The following CCDC102B variants were observed in gnomAD, a reference collection of about 807,000 sequenced individuals.
The protein encoded by CCDC102B is coiled-coil domain-containing protein 102B.
A neutral mutation model predicts 57.4 loss-of-function variants in CCDC102B; 75 were observed. The ratio of observed to expected loss-of-function variants is 1.31; its 90% confidence interval spans 1.08 to 1.58. CCDC102B has a LOEUF of 1.58. Among genes scored for constraint, CCDC102B ranks in the 40% most tolerant of loss-of-function variants. The pLI is 0.00. For missense variants in CCDC102B, 636 were observed against 582.6 expected (o/e 1.09, Z -0.94); for synonymous variants, 206 against 201.9 (o/e 1.02, Z -0.17).
In CCDC102B at chr18:68,956,475, TA is replaced by T. The variant is rs2049882570; in HGVS notation, c.1264-54458del. Among the ~76,000 whole-genome samples, 2 of 22,106 alleles carry T rather than the reference TA, an allele frequency of 9.0e-5. 1 individual carries two copies. The highest frequency in any genetic ancestry group is 4.4e-4 in the African/African-American group (2 of 4,504). The allele number at this position is 22,106 out of a possible 152,430, so 14.5% of individuals were successfully genotyped here. On this transcript the variant is annotated intron_variant, in intron 6 of 7. Coordinates refer to ENST00000360242, the MANE Select transcript of CCDC102B (RefSeq NM_024781.3). ...TATTATATATTTTATATATATATTA[TA>T]TATATATAATATATATATAAAATAT...
At chr18:68,733,651 T>G (rs1293774890) in intron 2 of CCDC102B, among the ~76,000 whole-genome samples, 4 of 151,984 alleles carry the variant, frequency 2.6e-5, no homozygotes, top group Non-Finnish European at 4.4e-5. Flanking sequence ...TGCTAATCTC[T>G]ATAGATAATT....
intron 2 of CCDC102B, among the ~76,000 whole-genome samples, chr18:68,731,448 C>A (rs984587892): frequency 6.6e-6 from 1 of 151,966 alleles, no homozygotes. Context: ...TTCCTTCCCC[C>A]GACTTGGAAT....
chr18:68,943,631 T>G (rs561772675), intron 6 of CCDC102B, among the ~76,000 whole-genome samples: 53 of 152,242 alleles, frequency 3.5e-4, no homozygotes, highest in African/African-American at 8.9e-4. Flanking sequence ...TACCAGACAC[T>G]GAATGAGTAC....
At chr18:68,968,879 TA>T (rs1235288076) in intron 6 of CCDC102B, among the ~76,000 whole-genome samples, 1 of 152,198 alleles carries the variant, frequency 6.6e-6, no homozygotes, top group Non-Finnish European at 1.5e-5. Flanking sequence ...ATTTCTTTTT[TA>T]TTAAAGCTGA....
intron 7 of CCDC102B, among the ~76,000 whole-genome samples, chr18:69,044,595 A>T (rs1322858610): frequency 6.6e-6 from 1 of 152,194 alleles, no homozygotes; most frequent in Non-Finnish European, 1.5e-5. Context: ...TGATATTTAT[A>T]GAGAGCTTCC....
intron 6 of CCDC102B, among the ~76,000 whole-genome samples, chr18:68,977,310 G>A (rs2050463689): frequency 6.6e-6 from 1 of 151,942 alleles, no homozygotes; most frequent in African/African-American, 2.4e-5. Flanking sequence ...TACAACTGCA[G>A]AACGTGCAGG....
chr18:68,949,918 T>C (rs1362798318), intron 6 of CCDC102B, among the ~76,000 whole-genome samples: 1 of 152,228 alleles, frequency 6.6e-6, no homozygotes, highest in South Asian at 2.1e-4. Flanking sequence ...TAACTCTAAT[T>C]TCTGATTTAA....
intron 6 of CCDC102B, among the ~76,000 whole-genome samples, chr18:68,920,858 T>C (rs1018842925): frequency 6.6e-6 from 1 of 152,038 alleles, no homozygotes; most frequent in African/African-American, 2.4e-5. Context: ...CACGTGGGAA[T>C]TATGGGGTTT....
chr18:68,832,496 T>A (rs2037187661), intron 1 of CCDC102B, among the ~76,000 whole-genome samples: 1 of 152,124 alleles, frequency 6.6e-6, no homozygotes, highest in African/African-American at 2.4e-5. Context: ...TATTTTGTTG[T>A]TGTTGTTGTG....
At chr18:69,002,414 A>G (rs1488455588) in intron 6 of CCDC102B, among the ~76,000 whole-genome samples, 2 of 152,130 alleles carry the variant, frequency 1.3e-5, no homozygotes, top group African/African-American at 4.8e-5. Flanking sequence ...CCCGATTTCA[A>G]CACTAGGGGC....
chr18:68,875,219 C>A (rs928786276), intron 5 of CCDC102B, among the ~76,000 whole-genome samples: 1 of 152,070 alleles, frequency 6.6e-6, no homozygotes, highest in Non-Finnish European at 1.5e-5. Context: ...ATAGTTAATT[C>A]ATTTCTTAGG....
intron 7 of CCDC102B, among the ~76,000 whole-genome samples, chr18:69,022,948 A>G (rs1245689545): frequency 6.6e-6 from 1 of 151,926 alleles, no homozygotes; most frequent in African/African-American, 2.4e-5. Flanking sequence ...TACATCGACA[A>G]TTGCAATGCC....
intron 1 of CCDC102B, among the ~76,000 whole-genome samples, chr18:68,805,715 G>A (rs2036010215): frequency 6.6e-6 from 1 of 152,132 alleles, no homozygotes; most frequent in Admixed American, 6.5e-5. Flanking sequence ...TGCATAACCA[G>A]CCAGTGAGTG....
chr18:68,727,521 CA>C (rs2032652833), intron 2 of CCDC102B, among the ~76,000 whole-genome samples: 1 of 152,218 alleles, frequency 6.6e-6, no homozygotes, highest in South Asian at 2.1e-4. Context: ...TTCACAGAAG[CA>C]GTCTGCTATG....
At chr18:68,824,222 G>C (rs2036814482) in intron 1 of CCDC102B, among the ~76,000 whole-genome samples, 2 of 152,114 alleles carry the variant, frequency 1.3e-5, no homozygotes, top group African/African-American at 4.8e-5. Context: ...TCTTGAGTTA[G>C]TGTTTATGTA....
intron 6 of CCDC102B, among the ~76,000 whole-genome samples, chr18:68,968,345 T>C (rs1158245469): frequency 6.6e-6 from 1 of 152,174 alleles, no homozygotes; most frequent in Non-Finnish European, 1.5e-5. Context: ...AATCCCCTTA[T>C]AGTTCAACAC....
intron 7 of CCDC102B, among the ~76,000 whole-genome samples, chr18:69,019,020 C>T (rs916780342): frequency 2.0e-5 from 3 of 152,030 alleles, no homozygotes; most frequent in African/African-American, 4.8e-5. Flanking sequence ...ATTTTTGGTG[C>T]TCTTCTCAAA....
At chr18:68,835,539 T>G (rs117093201) in intron 1 of CCDC102B, among the ~76,000 whole-genome samples, 2,430 of 152,320 alleles carry the variant, frequency 0.016, 28 homozygotes, top group South Asian at 0.024. Context: ...ATTTTTGACC[T>G]TATCACAATA....
chr18:68,991,134 T>TTTC (rs1568106472), intron 6 of CCDC102B, among the ~76,000 whole-genome samples: 1 of 151,192 alleles, frequency 6.6e-6, no homozygotes, highest in East Asian at 1.9e-4. Flanking sequence ...TTTTTTTTTT[T>TTTC]TTTTCTTAAA....
Sources: allele counts gnomAD v4.1 joint callset (sites outside exome capture counted in the v4.1 genomes callset), GRCh38; gene constraint gnomAD v4.1.1; transcripts MANE v1.5; gene names NCBI Gene and HGNC (gene_info 2026-07-23, HGNC 2026-07-21).